The following PPM1L variants were observed in gnomAD, a reference collection of about 807,000 sequenced individuals.
PPM1L encodes the protein protein phosphatase, Mg2+/Mn2+ dependent 1L.
PPM1L carries 13 observed loss-of-function variants against 31.4 expected under a neutral mutation model. The ratio of observed to expected loss-of-function variants is 0.41; its 90% confidence interval spans 0.27 to 0.66. PPM1L has a LOEUF of 0.66. Ranked by LOEUF, PPM1L falls within the 30% of genes least tolerant of loss-of-function variation. The pLI, the probability that PPM1L is intolerant of heterozygous loss-of-function variation, is 0.29. For missense variants in PPM1L, 326 were observed against 453.7 expected, an observed-to-expected ratio of 0.72 and a Z score of 2.56; for synonymous variants, 184 against 175.4, an observed-to-expected ratio of 1.05 and a Z score of -0.39.
At chr3:160,875,210 T>C (rs903464160) in intron 1 of PPM1L, among the ~76,000 whole-genome samples, 2 of 152,230 alleles carry the variant, frequency 1.3e-5, no homozygotes, top group Admixed American at 1.3e-4. Context: ...GGCAGGATTA[T>C]TGATATGGAA....
At position 161,069,133 on chromosome 3, in the gene PPM1L, T is replaced by C. The variant is rs988927024; in HGVS notation, c.1059T>C (p.Asn353=). 3 of 1,613,688 alleles carry C rather than the reference T, an allele frequency of 1.9e-6. No individual in the cohort carries two copies. The highest frequency in any genetic ancestry group is 2.7e-5 in the African/African-American group (2 of 74,906). ...NITVMVVKFR[N]SSKTEEQ ...CAGTCATGGTGGTGAAGTTCAGAAA[T>C]AGCAGCAAAACAGAAGAGCAGTGAA... is the stretch of plus-strand genomic sequence containing the variant. Residue 353 remains asparagine (N), a synonymous_variant, in exon 4 of 4, where the codon AAT becomes AAC. Transcript: ENST00000498165.
intron 2 of PPM1L, among the ~76,000 whole-genome samples, chr3:161,056,601 T>G (rs945053864): frequency 1.3e-5 from 2 of 152,126 alleles, no homozygotes; most frequent in South Asian, 2.1e-4. Context: ...TAAGTATGTG[T>G]GTGGACATGA....
chr3:160,813,179 A>G (rs532086279), intron 1 of PPM1L, among the ~76,000 whole-genome samples: 1 of 152,320 alleles, frequency 6.6e-6, no homozygotes, highest in South Asian at 2.1e-4. Context: ...CTATTTTATT[A>G]CAATTAGAAA....
intron 2 of PPM1L, among the ~76,000 whole-genome samples, chr3:161,022,629 A>G (rs1718264297): frequency 7.6e-6 from 1 of 131,716 alleles, no homozygotes; most frequent in Admixed American, 7.4e-5. Context: ...CTCAGTTTTT[A>G]TCTGAATAAC....
At chr3:160,826,098 C>G (rs1279329277) in intron 1 of PPM1L, among the ~76,000 whole-genome samples, 3 of 149,716 alleles carry the variant, frequency 2.0e-5, no homozygotes, top group African/African-American at 7.6e-5. Flanking sequence ...TTTTGTATCT[C>G]TTGGTTGGCC....
At chr3:161,061,863 C>A (rs866622110) in intron 2 of PPM1L, among the ~76,000 whole-genome samples, 20 of 152,260 alleles carry the variant, frequency 1.3e-4, no homozygotes, top group East Asian at 3.9e-4. Context: ...ACAACAACAA[C>A]AAAAAATTCA....
intron 1 of PPM1L, among the ~76,000 whole-genome samples, chr3:160,757,888 C>CATTT: frequency 6.6e-6 from 1 of 152,182 alleles, no homozygotes; most frequent in Non-Finnish European, 1.5e-5. Context: ...CTTTTTCAAG[C>CATTT]ATTTGCTTGT....
At chr3:161,022,357 CTT>C (rs1201262975) in intron 2 of PPM1L, 1 of 391,044 alleles carries the variant, frequency 2.6e-6, no homozygotes, top group African/African-American at 2.1e-5. Context: ...ATAATTATTT[CTT>C]TATGCATTTA....
chr3:160,931,378 A>G (rs1174631899), intron 1 of PPM1L, among the ~76,000 whole-genome samples: 1 of 152,214 alleles, frequency 6.6e-6, no homozygotes, highest in East Asian at 1.9e-4. Flanking sequence ...ATCACCTGGA[A>G]TCCACACGTC....
At chr3:160,990,233 C>T (rs906855326) in intron 2 of PPM1L, among the ~76,000 whole-genome samples, 7 of 151,894 alleles carry the variant, frequency 4.6e-5, no homozygotes, top group East Asian at 1.9e-4. Flanking sequence ...AACTCCTGGG[C>T]GCAAATGATT....
intron 1 of PPM1L, among the ~76,000 whole-genome samples, chr3:160,955,061 A>T (rs1358759772): frequency 6.7e-6 from 1 of 149,230 alleles, no homozygotes; most frequent in Non-Finnish European, 1.5e-5. Flanking sequence ...ATCAGGCTGG[A>T]GTGCAATGGT....
chr3:160,881,730 A>G (rs1244723078), intron 1 of PPM1L, among the ~76,000 whole-genome samples: 1 of 152,126 alleles, frequency 6.6e-6, no homozygotes. Flanking sequence ...TTATCTCCCA[A>G]GATGCTCCTC....
rs771690034 is a variant in PPM1L, at chr3:160,854,746, A to G, written c.399+98039A>G. ...TGAAAAAAACATTCCATGCTCATGG[A>G]TAGGAAGTACCAGTATTGTTAAAAT... On this transcript the variant is annotated intron_variant, in intron 1 of 3. Transcript: ENST00000498165. Among the ~76,000 whole-genome samples, 53 of 152,118 alleles carry G rather than the reference A, an allele frequency of 3.5e-4. 1 individual carries two copies. The highest frequency in any genetic ancestry group is 6.9e-4 in the Non-Finnish European group (47 of 68,006).
chr3:160,901,750 A>G (rs1713552040), intron 1 of PPM1L, among the ~76,000 whole-genome samples: 1 of 152,128 alleles, frequency 6.6e-6, no homozygotes, highest in South Asian at 2.1e-4. Flanking sequence ...GTTTGGGTCT[A>G]GTATTTTACA....
intron 1 of PPM1L, among the ~76,000 whole-genome samples, chr3:160,823,203 T>C (rs1713255046): frequency 1.3e-5 from 2 of 152,070 alleles, no homozygotes; most frequent in Non-Finnish European, 2.9e-5. Flanking sequence ...GGAAACTGGT[T>C]AATGTTGTTT....
chr3:161,053,158 T>G (rs762159363), intron 2 of PPM1L, among the ~76,000 whole-genome samples: 2 of 152,234 alleles, frequency 1.3e-5, no homozygotes, highest in Non-Finnish European at 2.9e-5. Context: ...TAATTTTATT[T>G]ACCATTAAAA....
intron 1 of PPM1L, among the ~76,000 whole-genome samples, chr3:160,759,365 C>G (rs971742199): frequency 6.6e-6 from 1 of 152,114 alleles, no homozygotes; most frequent in African/African-American, 2.4e-5. Flanking sequence ...GAGACATTAC[C>G]TTGTATATCC....
chr3:161,025,019 A>G (rs1390442721), intron 2 of PPM1L, among the ~76,000 whole-genome samples: 1 of 152,206 alleles, frequency 6.6e-6, no homozygotes, highest in Non-Finnish European at 1.5e-5. Flanking sequence ...GCTTCAGGCT[A>G]ATTTCTAGAA....
At chr3:160,801,433 A>G (rs1319932364) in intron 1 of PPM1L, among the ~76,000 whole-genome samples, 1 of 152,216 alleles carries the variant, frequency 6.6e-6, no homozygotes, top group Non-Finnish European at 1.5e-5. Flanking sequence ...GGACAGAGAA[A>G]CTGTCCAATT....
Sources: gnomAD v4.1 joint callset for allele counts (sites outside exome capture counted in the v4.1 genomes callset) on GRCh38, gnomAD v4.1.1 for gene constraint, MANE v1.5 for transcripts, NCBI Gene and HGNC (gene_info 2026-07-23, HGNC 2026-07-21) for gene names.